The following ENOX1 variants were observed in gnomAD, a reference collection of about 807,000 sequenced individuals.
The protein encoded by ENOX1 is candidate growth-related and time keeping constitutive hydroquinone (NADH) oxidase.
A neutral mutation model predicts 82.5 loss-of-function variants in ENOX1; 42 were observed. The observed-to-expected ratio is 0.51, with a 90% confidence interval of 0.40 to 0.66. The LOEUF is 0.66. Ranked by LOEUF, ENOX1 falls within the 30% of genes least tolerant of loss-of-function variation. ENOX1 has a pLI of 0.00. For missense variants in ENOX1, 608 were observed against 811.6 expected, an observed-to-expected ratio of 0.75 and a Z score of 3.05; for synonymous variants, 271 against 282.2, an observed-to-expected ratio of 0.96 and a Z score of 0.40.
chr13:43,609,698 T>C (rs1055533208), intron 2 of ENOX1, among the ~76,000 whole-genome samples: 1 of 152,236 alleles, frequency 6.6e-6, no homozygotes, highest in Non-Finnish European at 1.5e-5. Context: ...ATAAACCATG[T>C]CATTTTATTT....
chr13:43,374,688 T>C (rs1264519355), intron 5 of ENOX1, among the ~76,000 whole-genome samples: 1 of 152,252 alleles, frequency 6.6e-6, no homozygotes, highest in Non-Finnish European at 1.5e-5. Flanking sequence ...TGCAGTGCTA[T>C]GTTTTCAAAA....
chr13:43,650,931 T>G (rs1447718277), intron 2 of ENOX1, among the ~76,000 whole-genome samples: 1 of 152,154 alleles, frequency 6.6e-6, no homozygotes, highest in Admixed American at 6.5e-5. Context: ...CCTCATCACG[T>G]CCCTCAATCC....
chr13:43,479,704 A>G (rs1593411591), intron 3 of ENOX1, among the ~76,000 whole-genome samples: 3 of 152,336 alleles, frequency 2.0e-5, no homozygotes, highest in Admixed American at 6.5e-5. Context: ...TGGAAAGAGA[A>G]TGGTACCCGG....
At chr13:43,785,325 G>A (rs1023455821) in intron 1 of ENOX1, among the ~76,000 whole-genome samples, 14 of 152,106 alleles carry the variant, frequency 9.2e-5, no homozygotes, top group Non-Finnish European at 1.8e-4. Context: ...TTCCAAGCTC[G>A]CTCACCTGCG....
intron 1 of ENOX1, among the ~76,000 whole-genome samples, chr13:43,686,642 G>A (rs1439690733): frequency 2.0e-5 from 3 of 152,092 alleles, no homozygotes. Flanking sequence ...TTACACACAT[G>A]GTATCACACT....
intron 2 of ENOX1, among the ~76,000 whole-genome samples, chr13:43,594,793 T>C (rs1054209145): frequency 6.6e-6 from 1 of 152,076 alleles, no homozygotes; most frequent in South Asian, 2.1e-4. Flanking sequence ...CCAATACTTA[T>C]TGGGAGATGG....
intron 5 of ENOX1, among the ~76,000 whole-genome samples, chr13:43,387,035 G>C (rs1043013346): frequency 6.6e-6 from 1 of 152,162 alleles, no homozygotes; most frequent in African/African-American, 2.4e-5. Flanking sequence ...ATGATTTATT[G>C]AAATATTTTT....
chr13:43,641,101 T>C (rs2083628749), intron 2 of ENOX1, among the ~76,000 whole-genome samples: 1 of 152,160 alleles, frequency 6.6e-6, no homozygotes, highest in Non-Finnish European at 1.5e-5. Flanking sequence ...CACGCCTCCA[T>C]TAAATAAATA....
intron 2 of ENOX1, among the ~76,000 whole-genome samples, chr13:43,640,674 C>A (rs1387432881): frequency 6.6e-6 from 1 of 152,080 alleles, no homozygotes; most frequent in East Asian, 1.9e-4. Context: ...CCACCTCCAC[C>A]CACCTACACA....
chr13:43,286,721 G>C (rs574360743), intron 12 of ENOX1, among the ~76,000 whole-genome samples: 2 of 152,014 alleles, frequency 1.3e-5, no homozygotes, highest in East Asian at 3.9e-4. Context: ...ATTTTATTAG[G>C]GCTTCTCTTC....
intron 2 of ENOX1, among the ~76,000 whole-genome samples, chr13:43,590,629 A>G (rs2081202072): frequency 6.8e-6 from 1 of 147,462 alleles, no homozygotes; most frequent in Non-Finnish European, 1.5e-5. Context: ...AAAAAAAATT[A>G]GCTGGGCACA....
At chr13:43,581,833 A>G (rs2080757358) in intron 2 of ENOX1, among the ~76,000 whole-genome samples, 1 of 152,204 alleles carries the variant, frequency 6.6e-6, no homozygotes, top group Non-Finnish European at 1.5e-5. Context: ...ACAGAAACCA[A>G]TTAATAGCAG....
chr13:43,382,527 AC>A (rs1351574537), intron 5 of ENOX1, among the ~76,000 whole-genome samples: 2 of 152,208 alleles, frequency 1.3e-5, no homozygotes, highest in African/African-American at 4.8e-5. Flanking sequence ...GAAACTGAGT[AC>A]ATTCTATAGG....
intron 3 of ENOX1, among the ~76,000 whole-genome samples, chr13:43,459,793 G>A (rs894868205): frequency 2.6e-5 from 4 of 152,032 alleles, no homozygotes; most frequent in African/African-American, 9.7e-5. Flanking sequence ...GGAGTCTGAG[G>A]CCAGCCTGAC....
chr13:43,321,132 A>G, intron 11 of ENOX1: 1 of 456,306 alleles, frequency 2.2e-6, no homozygotes, highest in South Asian at 1.5e-5. Flanking sequence ...TTTGAGGGTG[A>G]AAGGGAAAGT....
At chr13:43,461,834 A>C (rs1426504918) in intron 3 of ENOX1, among the ~76,000 whole-genome samples, 2 of 152,238 alleles carry the variant, frequency 1.3e-5, no homozygotes, top group African/African-American at 4.8e-5. Flanking sequence ...GAGGCACAGA[A>C]CCTTGTATGA....
At chr13:43,486,689 A>T (rs895606013) in intron 2 of ENOX1, among the ~76,000 whole-genome samples, 1 of 152,198 alleles carries the variant, frequency 6.6e-6, no homozygotes, top group Non-Finnish European at 1.5e-5. Flanking sequence ...GTCTGAAACC[A>T]AACTGGCGGG....
chr13:43,628,783 C>T (rs2083081023), intron 2 of ENOX1, among the ~76,000 whole-genome samples: 2 of 152,198 alleles, frequency 1.3e-5, no homozygotes, highest in African/African-American at 4.8e-5. Context: ...AGGAAGAATG[C>T]CATCTCATAT....
At chr13:43,299,279 T>C (rs952014637) in intron 11 of ENOX1, among the ~76,000 whole-genome samples, 2 of 152,120 alleles carry the variant, frequency 1.3e-5, no homozygotes, top group Non-Finnish European at 2.9e-5. Flanking sequence ...GCTTCAGAAA[T>C]AGCCGAAACT....
Sources: gnomAD v4.1 joint callset for allele counts (sites outside exome capture counted in the v4.1 genomes callset) on GRCh38, gnomAD v4.1.1 for gene constraint, MANE v1.5 for transcripts, NCBI Gene and HGNC (gene_info 2026-07-23, HGNC 2026-07-21) for gene names.